Variants in P3H2 observed in about 807,000 individuals in gnomAD.
P3H2 encodes the protein prolyl 3-hydroxylase 2.
In P3H2, 80 loss-of-function variants were observed where a neutral mutation model predicts 87.0. That is an observed-to-expected ratio of 0.92 (90% CI 0.77 to 1.11). P3H2 has a LOEUF of 1.11. Ranked by LOEUF, P3H2 falls within the 50% of genes least tolerant of loss-of-function variation. The pLI is 0.00. For synonymous variants in P3H2, 367 were observed against 359.3 expected (o/e 1.02, Z -0.24); for missense variants, 1,001 against 923.9 (o/e 1.08, Z -1.08).
At chr3:190,050,258 C>T (rs1725937009) in intron 1 of P3H2, among the ~76,000 whole-genome samples, 1 of 152,158 alleles carries the variant, frequency 6.6e-6, no homozygotes, top group Non-Finnish European at 1.5e-5. Context: ...CTTGATTTTG[C>T]ACTTTGGAAG....
rs1224228853 is a variant in P3H2 at position 190,118,485 on chromosome 3, G to T, written c.480+1767C>A. ...TTTCTGTAAGACCACCAGAAATTGT[G>T]TAAATCACTTAGAAGAAATTAGAGT... is the stretch of plus-strand genomic sequence containing the variant. On this transcript the variant is annotated intron_variant, in intron 1 of 14. Transcript: ENST00000319332. Among the ~76,000 whole-genome samples, 4 of 151,750 alleles carry T rather than the reference G, an allele frequency of 2.6e-5. No homozygotes were observed. In the East Asian group the frequency reaches 7.8e-4, roughly 30 times the overall value.
chr3:190,023,167 T>C (rs930434701), intron 1 of P3H2, among the ~76,000 whole-genome samples: 3 of 152,184 alleles, frequency 2.0e-5, no homozygotes, highest in African/African-American at 7.2e-5. Context: ...CAGGTGAAGC[T>C]GGTGCTGCTG....
chr3:190,032,603 C>A (rs1306540631), intron 1 of P3H2, among the ~76,000 whole-genome samples: 2 of 152,266 alleles, frequency 1.3e-5, no homozygotes, highest in South Asian at 4.2e-4. Context: ...CCCATGAGAA[C>A]ATTTATGGGT....
At chr3:190,053,514 A>G (rs1366623217) in intron 1 of P3H2, among the ~76,000 whole-genome samples, 1 of 150,526 alleles carries the variant, frequency 6.6e-6, no homozygotes, top group Non-Finnish European at 1.5e-5. Flanking sequence ...CTGGAGTGCA[A>G]TGGCACAATC....
At chr3:189,970,552 G>A in intron 13 of P3H2, among the ~76,000 whole-genome samples, 1 of 151,660 alleles carries the variant, frequency 6.6e-6, no homozygotes, top group Non-Finnish European at 1.5e-5. Flanking sequence ...CTAGGTTTTG[G>A]TTCCAAGTCT....
At chr3:190,040,054 T>C (rs1725559233) in intron 1 of P3H2, among the ~76,000 whole-genome samples, 1 of 152,200 alleles carries the variant, frequency 6.6e-6, no homozygotes, top group South Asian at 2.1e-4. Flanking sequence ...ATTTCTTAAA[T>C]AGATATTTAG....
intron 1 of P3H2, among the ~76,000 whole-genome samples, chr3:190,001,076 T>G (rs1203316166): frequency 6.6e-6 from 1 of 152,182 alleles, no homozygotes; most frequent in African/African-American, 2.4e-5. Flanking sequence ...CCATCCTTGC[T>G]CTAACAATGT....
chr3:190,099,876 G>A (rs1249744430), intron 1 of P3H2, among the ~76,000 whole-genome samples: 1 of 152,094 alleles, frequency 6.6e-6, no homozygotes, highest in African/African-American at 2.4e-5. Context: ...GAGGTACTGA[G>A]GCTAATTGTA....
chr3:190,081,832 A>T (rs1241167204), intron 1 of P3H2, among the ~76,000 whole-genome samples: 1 of 152,232 alleles, frequency 6.6e-6, no homozygotes, highest in African/African-American at 2.4e-5. Flanking sequence ...CTGTAGGATG[A>T]TACCCAGCCA....
intron 1 of P3H2, among the ~76,000 whole-genome samples, chr3:190,065,531 C>A (rs531703562): frequency 5.9e-5 from 9 of 152,256 alleles, no homozygotes; most frequent in African/African-American, 2.2e-4. Context: ...TTATGTTAAT[C>A]AGTAACGACA....
rs777593393 is a variant in P3H2, at chr3:189,983,060, C to CGATCT, written c.1305_1309dup (p.Arg437GlnfsTer5). Reference sequence around the variant, plus strand: ...CAGCTACTTACCTTCTCTTAGGTCTCGATCTATCTTGGGTGATAGCTTTTT... The same window carrying CGATCT: ...CAGCTACTTACCTTCTCTTAGGTCTCGATCTGATCTATCTTGGGTGATAGCTTTTT... On this transcript the variant is annotated frameshift_variant, in exon 8 of 15. Transcript: ENST00000319332. LOFTEE classifies it high-confidence loss of function. The CGATCT allele has an allele frequency of 1.2e-6, 2 of 1,613,386 alleles. No individual in the cohort carries two copies. The highest frequency in any genetic ancestry group is 1.7e-6 in the Non-Finnish European group (2 of 1,179,384).
chr3:190,026,012 T>G (rs1277860909), intron 1 of P3H2, among the ~76,000 whole-genome samples: 1 of 152,210 alleles, frequency 6.6e-6, no homozygotes, highest in Non-Finnish European at 1.5e-5. Flanking sequence ...TGATTTTTTG[T>G]TTTTATTAAC....
intron 1 of P3H2, among the ~76,000 whole-genome samples, chr3:190,065,718 C>T (rs1726475713): frequency 6.6e-6 from 1 of 152,038 alleles, no homozygotes; most frequent in Admixed American, 6.6e-5. Flanking sequence ...CCTCTGTTAC[C>T]AAGATATAAG....
chr3:190,040,133 C>T (rs1365139863), intron 1 of P3H2, among the ~76,000 whole-genome samples: 3 of 152,182 alleles, frequency 2.0e-5, no homozygotes, highest in African/African-American at 7.2e-5. Context: ...TGGCATCACA[C>T]ACACACAAAA....
chr3:190,074,498 G>A (rs569722287), intron 1 of P3H2, among the ~76,000 whole-genome samples: 5 of 151,972 alleles, frequency 3.3e-5, no homozygotes, highest in Middle Eastern at 6.3e-3. Flanking sequence ...GTGACAGAGC[G>A]AGACTCTGTC....
At chr3:190,029,961 C>A (rs1725201152) in intron 1 of P3H2, among the ~76,000 whole-genome samples, 1 of 149,762 alleles carries the variant, frequency 6.7e-6, no homozygotes. Context: ...AAGGTCGTGC[C>A]ACTGCACTCC....
At chr3:190,112,927 A>C (rs1047538319) in intron 1 of P3H2, among the ~76,000 whole-genome samples, 3 of 152,282 alleles carry the variant, frequency 2.0e-5, no homozygotes, top group African/African-American at 7.2e-5. Flanking sequence ...AGAAAGATGA[A>C]TGGAAAAAAA....
intron 1 of P3H2, among the ~76,000 whole-genome samples, chr3:190,118,818 C>T (rs137911246): frequency 1.8e-4 from 28 of 152,134 alleles, no homozygotes; most frequent in Admixed American, 5.9e-4. Context: ...CAGCCTGGTC[C>T]AGCCGTGCTC....
At chr3:189,998,478 C>T (rs1036718557) in intron 1 of P3H2, among the ~76,000 whole-genome samples, 2 of 152,304 alleles carry the variant, frequency 1.3e-5, no homozygotes, top group Non-Finnish European at 1.5e-5. Flanking sequence ...GACCCTTTCC[C>T]ATTCCTGTAG....
Sources: allele counts gnomAD v4.1 joint callset (sites outside exome capture counted in the v4.1 genomes callset), GRCh38; gene constraint gnomAD v4.1.1; transcripts MANE v1.5; gene names NCBI Gene and HGNC (gene_info 2026-07-23, HGNC 2026-07-21).